The following SCN1A variants were observed in gnomAD, a reference collection of about 807,000 sequenced individuals.
SCN1A encodes sodium voltage-gated channel alpha subunit 1.
A neutral mutation model predicts 193.7 loss-of-function variants in SCN1A; 13 were observed. The observed-to-expected ratio is 0.07, with a 90% CI of 0.04 to 0.11. The LOEUF (loss-of-function observed/expected upper bound fraction) is 0.11. SCN1A is among the 10% of genes least tolerant of loss of function. The pLI is 1.00. For missense variants in SCN1A, 1,432 were observed against 2,451.1 expected (o/e 0.58, Z 8.78); for synonymous variants, 781 against 843.6 (o/e 0.93, Z 1.29).
chr2:165,992,644 T>A lies in SCN1A; in HGVS notation c.4853-222A>T, dbSNP rs56079318. The A allele has an allele frequency of 0.011, 2,495 of 218,768 alleles. 29 individuals carry two copies. The highest frequency in any genetic ancestry group is 0.025 in the South Asian group (149 of 5,910). 13.6% of individuals were successfully genotyped at this position (218,768 alleles called of 1,614,324 possible). ...TTATAAGGATTATAGTACTTTTTTT[T>A]ATCTTTAAGAGATGTTTATAAACTA... On this transcript the variant is annotated intron_variant, in intron 28 of 28. Coordinates refer to ENST00000674923, the MANE Select transcript of SCN1A (RefSeq NM_001165963.4). The surrounding 1 kb of genome is among the most constrained non-coding windows in gnomAD (Gnocchi z 6.5).
intron 23 of SCN1A, among the ~76,000 whole-genome samples, chr2:166,005,774 G>T (rs886491913): frequency 6.6e-6 from 1 of 151,296 alleles, no homozygotes; most frequent in Non-Finnish European, 1.5e-5. Flanking sequence ...CTTATGGGGG[G>T]AAGAAAGTAG....
chr2:166,017,506 C>G (rs894800445), intron 19 of SCN1A, among the ~76,000 whole-genome samples: 1 of 151,886 alleles, frequency 6.6e-6, no homozygotes, highest in African/African-American at 2.4e-5. Context: ...ATCATTTGGC[C>G]GTAAAGTGAT....
At chr2:166,048,765 C>A in intron 10 of SCN1A, 121 bp downstream of exon 10, 2 of 706,232 alleles carry the variant, frequency 2.8e-6, no homozygotes, top group Non-Finnish European at 2.5e-6. Context: ...TTACATATAG[C>A]AAATTAATGT....
At chr2:165,994,490 T>C (rs1689744197) in intron 27 of SCN1A, 74 bp from the exon 28 acceptor site, 8 of 1,396,486 alleles carry the variant, frequency 5.7e-6, no homozygotes, top group Admixed American at 3.5e-5. Flanking sequence ...ACTTTCTGCA[T>C]TAATTGACTT....
chr2:166,077,034 T>C (rs1685053882), intron 3 of SCN1A: 1 of 151,998 alleles, frequency 6.6e-6, no homozygotes, highest in Non-Finnish European at 1.5e-5. Context: ...ATTTGAGTTC[T>C]GGAATATTTC....
At chr2:166,024,734 C>T (rs915382150) in intron 19 of SCN1A, among the ~76,000 whole-genome samples, 1 of 152,178 alleles carries the variant, frequency 6.6e-6, no homozygotes, top group South Asian at 2.1e-4. Flanking sequence ...GAAGTCACAG[C>T]TCACTGCAGC....
chr2:166,015,604 T>C lies in SCN1A; in HGVS notation c.3550+3A>G. 1 of 1,612,492 alleles carries C rather than the reference T, an allele frequency of 6.2e-7. No homozygotes were observed. Among genetic ancestry groups the C allele is most frequent in the South Asian group, 1.1e-5 (1 of 91,068 alleles). On this transcript the variant is annotated splice_donor_region_variant and intron_variant, in intron 20 of 28. Coordinates refer to ENST00000674923, the MANE Select transcript of SCN1A (RefSeq NM_001165963.4). ...AGATTAACATTAGGATTCTTTTCTTTACCTTCAGTGAAACAAGCTTCTGGT... is the reference window on the plus strand; with the variant it reads ...AGATTAACATTAGGATTCTTTTCTTCACCTTCAGTGAAACAAGCTTCTGGT...
intron 19 of SCN1A, among the ~76,000 whole-genome samples, chr2:166,033,838 C>T (rs1302806106): frequency 4.1e-5 from 6 of 146,506 alleles, no homozygotes; most frequent in African/African-American, 1.5e-4. Flanking sequence ...AGTCTTTTTC[C>T]TTTTTAATAT....
intron 20 of SCN1A, 23 bp downstream of exon 20, chr2:166,015,583 TA>T (rs762791660): frequency 4.3e-6 from 7 of 1,611,958 alleles, no homozygotes; most frequent in Non-Finnish European, 5.9e-6. Context: ...AATGAAAGAT[TA>T]ACATTAGGAT....
chr2:166,003,721 T>G (rs993248236), intron 23 of SCN1A, among the ~76,000 whole-genome samples: 3 of 151,674 alleles, frequency 2.0e-5, no homozygotes, highest in Admixed American at 6.6e-5. Flanking sequence ...AAGGGGCAGC[T>G]GCCTCAAACT....
chr2:166,119,629 A>G (rs1690307993), intron 2 of SCN1A, among the ~76,000 whole-genome samples: 1 of 152,220 alleles, frequency 6.6e-6, no homozygotes, highest in African/African-American at 2.4e-5. Flanking sequence ...CATGATTTTC[A>G]GAACACCACC....
intron 2 of SCN1A, among the ~76,000 whole-genome samples, chr2:166,125,277 C>A (rs1235287601): frequency 6.6e-6 from 1 of 152,192 alleles, no homozygotes; most frequent in Non-Finnish European, 1.5e-5. Flanking sequence ...CTGTTTCTCC[C>A]ACCCTCCCCA....
At chr2:166,140,415 T>C (rs1263654794) in intron 1 of SCN1A, among the ~76,000 whole-genome samples, 4 of 152,142 alleles carry the variant, frequency 2.6e-5, no homozygotes. Context: ...GTATGATCAG[T>C]CTGTAGCCTG....
At chr2:166,096,165 AC>A (rs919629189) in intron 2 of SCN1A, among the ~76,000 whole-genome samples, 1 of 152,214 alleles carries the variant, frequency 6.6e-6, no homozygotes, top group African/African-American at 2.4e-5. Flanking sequence ...TCCACAGAAG[AC>A]TTTTGAGAGT....
In SCN1A at chr2:166,012,265, A is replaced by G. The variant is rs36031496; in HGVS notation, c.3723T>C (p.Tyr1241=). ...SSGALAFEDI[Y]IDQRKTIKTM... ...TCTTAATCGTCTTTCGCTGATCAAT[A>G]TATATATCTTCAAATGCCTATAAAG... Residue 1241 remains tyrosine (Y), a synonymous_variant, in exon 22 of 29, where the codon TAT becomes TAC. Coordinates refer to ENST00000674923, the MANE Select transcript of SCN1A (RefSeq NM_001165963.4). The G allele has an allele frequency of 6.5e-3, 10,412 of 1,608,278 alleles. 601 individuals carry two copies. In the African/African-American group the frequency reaches 0.12, roughly 19 times the overall value.
intron 1 of SCN1A, among the ~76,000 whole-genome samples, chr2:166,136,598 G>T (rs912935185): frequency 1.3e-5 from 2 of 152,012 alleles, no homozygotes; most frequent in African/African-American, 4.8e-5. Context: ...TGAACCATTT[G>T]TTGCTTTAAA....
intron 19 of SCN1A, among the ~76,000 whole-genome samples, chr2:166,030,871 T>C (rs1206115575): frequency 6.6e-6 from 1 of 152,044 alleles, no homozygotes; most frequent in African/African-American, 2.4e-5. Flanking sequence ...CCAAAATAAA[T>C]TTACTTTCTA....
chr2:166,054,593 A>C, intron 7 of SCN1A, 45 bp downstream of exon 7: 1 of 1,607,550 alleles, frequency 6.2e-7, no homozygotes, highest in Non-Finnish European at 8.5e-7. Context: ...CACTGATGGA[A>C]AACCAAACTA....
In SCN1A at chr2:165,999,649, G is replaced by A. The variant is rs4305294; in HGVS notation, c.4338+74C>T. The A allele has an allele frequency of 0.02, 21,698 of 1,072,866 alleles. 1,148 individuals carry two copies. The highest frequency in any genetic ancestry group is 0.16 in the Admixed American group (9,343 of 58,572). 66.5% of individuals were successfully genotyped at this position (1,072,866 alleles called of 1,614,324 possible). On this transcript the variant is annotated intron_variant, in intron 25 of 28. Transcript: ENST00000674923. ...CAAGATAGAATCATTTCATTTGGTCGTTTATGCTTTATTCGATTAATTTTA... is the reference window on the plus strand; with the variant it reads ...CAAGATAGAATCATTTCATTTGGTCATTTATGCTTTATTCGATTAATTTTA...
Sources: allele counts gnomAD v4.1 joint callset (sites outside exome capture counted in the v4.1 genomes callset), GRCh38; gene constraint gnomAD v4.1.1; non-coding constraint Gnocchi (gnomAD v3.1); transcripts MANE v1.5; gene names NCBI Gene and HGNC (gene_info 2026-07-23, HGNC 2026-07-21).